MEOX2: variants seen among roughly 807,000 people sequenced by gnomAD.
MEOX2 encodes the protein mesenchyme homeobox 2.
MEOX2 carries 11 observed loss-of-function variants against 27.0 expected under a neutral mutation model. That is an observed-to-expected ratio of 0.41 (90% confidence interval 0.26 to 0.68). The LOEUF (loss-of-function observed/expected upper bound fraction) is 0.68. Among genes scored for constraint, MEOX2 ranks in the 30% least tolerant of loss-of-function variants. The pLI, the probability that MEOX2 is intolerant of heterozygous loss-of-function variation, is 0.33. For missense variants in MEOX2, 436 were observed against 385.4 expected, an observed-to-expected ratio of 1.13 and a Z score of -1.10; for synonymous variants, 189 against 155.4, an observed-to-expected ratio of 1.22 and a Z score of -1.61.
chr7:15,686,296 A>G lies in MEOX2; in HGVS notation c.107T>C (p.Met36Thr). Reference protein sequence around the residue: ...SLALHGRSDHMSYPELSTSSS... With the variant: ...SLALHGRSDHTSYPELSTSSS... ...AGAAGTAGAGAGCTCGGGGTAAGAC[A>G]TATGGTCAGATCTTCCATGGAGGGC... Residue 36 changes from methionine (M) to threonine (T), a missense_variant, in exon 1 of 3, where the codon ATG (methionine) becomes ACG (threonine). Coordinates refer to ENST00000262041, the MANE Select transcript of MEOX2 (RefSeq NM_005924.5). The G allele has an allele frequency of 6.2e-7, 1 of 1,611,464 alleles. No homozygotes were observed. The highest frequency in any genetic ancestry group is 1.3e-5 in the African/African-American group (1 of 74,978).
intron 1 of MEOX2, among the ~76,000 whole-genome samples, chr7:15,639,734 G>A (rs1781532031): frequency 6.6e-6 from 1 of 151,944 alleles, no homozygotes; most frequent in Non-Finnish European, 1.5e-5. Context: ...TTTTCTCCAT[G>A]TTTATTTTTG....
chr7:15,623,920 C>T (rs1419431145), intron 2 of MEOX2, among the ~76,000 whole-genome samples: 6 of 152,186 alleles, frequency 3.9e-5, no homozygotes, highest in Non-Finnish European at 5.9e-5. Context: ...CTTAGCTCAA[C>T]AAATATTTGT....
intron 1 of MEOX2, among the ~76,000 whole-genome samples, chr7:15,656,711 T>G (rs1428515466): frequency 6.6e-6 from 1 of 152,054 alleles, no homozygotes; most frequent in Non-Finnish European, 1.5e-5. Context: ...TTTTGCTTTA[T>G]GTAACAATAA....
intron 1 of MEOX2, among the ~76,000 whole-genome samples, chr7:15,669,650 C>CA (rs1458175153): frequency 6.6e-6 from 1 of 152,202 alleles, no homozygotes; most frequent in Admixed American, 6.5e-5. Context: ...CAAACAGGCC[C>CA]AGATGTTTCA....
At chr7:15,653,269 C>G (rs1277374604) in intron 1 of MEOX2, among the ~76,000 whole-genome samples, 3 of 151,784 alleles carry the variant, frequency 2.0e-5, no homozygotes, top group Non-Finnish European at 4.4e-5. Flanking sequence ...ATTTATTTGC[C>G]ATCTTCATAT....
intron 1 of MEOX2, chr7:15,679,515 T>C (rs1160302277): frequency 6.6e-6 from 1 of 152,100 alleles, no homozygotes; most frequent in Admixed American, 6.6e-5. Flanking sequence ...GAATTGATTC[T>C]ACAAAATTTT....
chr7:15,620,249 C>A (rs547114093), intron 2 of MEOX2, among the ~76,000 whole-genome samples: 41 of 152,222 alleles, frequency 2.7e-4, no homozygotes, highest in Admixed American at 8.5e-4. Flanking sequence ...CTCCTATATA[C>A]TGCTGTAAAG....
chr7:15,675,322 A>C (rs891927189), intron 1 of MEOX2, among the ~76,000 whole-genome samples: 3 of 152,246 alleles, frequency 2.0e-5, no homozygotes, highest in Non-Finnish European at 4.4e-5. Context: ...TTCATAAAAC[A>C]AAGCTGAAAA....
At chr7:15,613,236 T>TA (rs1781060955) in intron 2 of MEOX2, among the ~76,000 whole-genome samples, 2 of 152,278 alleles carry the variant, frequency 1.3e-5, no homozygotes, top group African/African-American at 2.4e-5. Context: ...ATGGTCACAA[T>TA]AAAAAATTCT....
intron 1 of MEOX2, among the ~76,000 whole-genome samples, chr7:15,650,814 G>GTGAT (rs1158842636): frequency 6.6e-6 from 1 of 152,032 alleles, no homozygotes; most frequent in African/African-American, 2.4e-5. Flanking sequence ...GATTTCCACA[G>GTGAT]TGATTTAAAA....
chr7:15,641,731 G>T (rs1349922188), intron 1 of MEOX2, among the ~76,000 whole-genome samples: 1 of 151,966 alleles, frequency 6.6e-6, no homozygotes, highest in African/African-American at 2.4e-5. Flanking sequence ...ATTTTCATTT[G>T]CTTTTGTCCT....
intron 2 of MEOX2, among the ~76,000 whole-genome samples, chr7:15,619,418 A>G (rs17168909): frequency 0.043 from 6,546 of 152,084 alleles, 447 homozygotes; most frequent in African/African-American, 0.15. Context: ...ATAAATTAAT[A>G]TTTTTGCTTC....
intron 2 of MEOX2, among the ~76,000 whole-genome samples, chr7:15,623,366 TTAAG>T (rs1781248976): frequency 6.6e-6 from 1 of 152,074 alleles, no homozygotes; most frequent in Non-Finnish European, 1.5e-5. Flanking sequence ...GACACATAAT[TTAAG>T]TATGTGATTT....
chr7:15,682,787 T>C (rs1157456739), intron 1 of MEOX2, among the ~76,000 whole-genome samples: 1 of 151,968 alleles, frequency 6.6e-6, no homozygotes, highest in Non-Finnish European at 1.5e-5. Flanking sequence ...ACCTGCTTTG[T>C]AGTGATTTTT....
chr7:15,673,126 A>C (rs1782130348), intron 1 of MEOX2, among the ~76,000 whole-genome samples: 2 of 152,168 alleles, frequency 1.3e-5, no homozygotes, highest in Admixed American at 1.3e-4. Flanking sequence ...AGGATTTACC[A>C]AGAACTGTGC....
At chr7:15,662,962 C>T (rs1013096996) in intron 1 of MEOX2, among the ~76,000 whole-genome samples, 1 of 152,024 alleles carries the variant, frequency 6.6e-6, no homozygotes, top group Non-Finnish European at 1.5e-5. Context: ...AACAGAAGCC[C>T]CACAATTAAG....
intron 1 of MEOX2, among the ~76,000 whole-genome samples, chr7:15,670,999 T>C (rs1474451130): frequency 6.6e-6 from 1 of 152,200 alleles, no homozygotes; most frequent in Non-Finnish European, 1.5e-5. Context: ...TGGGACACTA[T>C]GAGGCAGTAG....
intron 1 of MEOX2, among the ~76,000 whole-genome samples, chr7:15,636,603 A>G (rs1781481606): frequency 6.6e-6 from 1 of 152,062 alleles, no homozygotes; most frequent in Non-Finnish European, 1.5e-5. Context: ...TCCCAATTAG[A>G]GAGCATCTGA....
At chr7:15,626,071 G>A (rs1583746397) in intron 2 of MEOX2, among the ~76,000 whole-genome samples, 1 of 152,080 alleles carries the variant, frequency 6.6e-6, no homozygotes, top group South Asian at 2.1e-4. Context: ...TTGCACCTAA[G>A]CCGCACCATT....
Sources: allele counts gnomAD v4.1 joint callset (sites outside exome capture counted in the v4.1 genomes callset), GRCh38; gene constraint gnomAD v4.1.1; transcripts MANE v1.5; gene names NCBI Gene and HGNC (gene_info 2026-07-23, HGNC 2026-07-21).